Variants in CELF4 observed in about 807,000 individuals in gnomAD.
CELF4 encodes the protein CUG-BP- and ETR-3-like factor 4.
In CELF4, 18 loss-of-function variants were observed where a neutral mutation model predicts 59.9. The ratio of observed to expected loss-of-function variants is 0.30; its 90% CI spans 0.21 to 0.45. The LOEUF (loss-of-function observed/expected upper bound fraction) is 0.45, where lower values mean the gene tolerates loss of function less well. CELF4 is among the 20% of genes least tolerant of loss of function. The pLI is 1.00. For synonymous variants in CELF4, 261 were observed against 267.1 expected, an observed-to-expected ratio of 0.98 and a Z score of 0.22; for missense variants, 456 against 689.0, an observed-to-expected ratio of 0.66 and a Z score of 3.79.
chr18:37,453,784 A>G (rs552775706), intron 2 of CELF4, among the ~76,000 whole-genome samples: 2 of 152,212 alleles, frequency 1.3e-5, no homozygotes, highest in Non-Finnish European at 2.9e-5. Context: ...GCCTGGGAAC[A>G]GGGGTAGTCT....
chr18:37,353,090 AC>A (rs2098481928), intron 2 of CELF4, among the ~76,000 whole-genome samples: 2 of 151,736 alleles, frequency 1.3e-5, no homozygotes, highest in African/African-American at 4.8e-5. Flanking sequence ...GTGTGATGGC[AC>A]GTGCCTGCAG....
intron 2 of CELF4, among the ~76,000 whole-genome samples, chr18:37,340,562 T>C (rs2097968739): frequency 6.6e-6 from 1 of 152,198 alleles, no homozygotes; most frequent in South Asian, 2.1e-4. Flanking sequence ...CAACCATTCC[T>C]GGGCTGAGTT....
chr18:37,507,743 A>C (rs566314394), intron 1 of CELF4, among the ~76,000 whole-genome samples: 1 of 152,168 alleles, frequency 6.6e-6, no homozygotes, highest in Non-Finnish European at 1.5e-5. Flanking sequence ...AGCGGCTCCC[A>C]CTGTGGCATG....
chr18:37,264,681 C>G lies in CELF4; in HGVS notation c.1242G>C (p.Gln414His). The stretch of plus-strand genomic sequence containing the variant: ...GCTGGCCTGCAGACTCACCTTCTCT[C>G]TGCTGCTGGGGGATCATTGGAGGCG... ...PQPPPMIPQQ[Q>H]REGPEGCNLF... The change falls in exon 10 of 13, where the codon CAG becomes CAC. Residue 414 changes from glutamine to histidine, a missense_variant. By Grantham distance (24) the Gln-to-His change is conservative. This residue lies in a region of CELF4 where 256 missense variants were observed against 340.8 expected (regional missense o/e 0.75). Coordinates refer to ENST00000420428, the MANE Select transcript of CELF4 (RefSeq NM_020180.4). 2 of 1,574,584 alleles carry G rather than the reference C, an allele frequency of 1.3e-6. No homozygotes were observed. Among genetic ancestry groups the G allele is most frequent in the Non-Finnish European group, 1.7e-6 (2 of 1,159,128 alleles).
intron 3 of CELF4, among the ~76,000 whole-genome samples, chr18:37,286,455 C>T (rs781506607): frequency 6.6e-6 from 1 of 152,160 alleles, no homozygotes; most frequent in Non-Finnish European, 1.5e-5. Flanking sequence ...TCCACAGTCG[C>T]ACAGAGAGGG....
At chr18:37,348,911 C>T (rs1385944600) in intron 2 of CELF4, among the ~76,000 whole-genome samples, 1 of 152,128 alleles carries the variant, frequency 6.6e-6, no homozygotes, top group East Asian at 1.9e-4. Context: ...GGGAGCTGCA[C>T]TGGGGGGTCT....
intron 2 of CELF4, among the ~76,000 whole-genome samples, chr18:37,332,873 G>A (rs2154536007): frequency 6.6e-6 from 1 of 152,344 alleles, no homozygotes; most frequent in Admixed American, 6.5e-5. Context: ...CAAGGGCAGA[G>A]GGCTCTTTGT....
chr18:37,339,286 G>A (rs1315757558), intron 2 of CELF4, among the ~76,000 whole-genome samples: 1 of 152,188 alleles, frequency 6.6e-6, no homozygotes, highest in Non-Finnish European at 1.5e-5. Flanking sequence ...GTATGGGGGA[G>A]GGAGAGTGTT....
At chr18:37,493,670 G>T (rs1326384280) in intron 1 of CELF4, among the ~76,000 whole-genome samples, 1 of 151,636 alleles carries the variant, frequency 6.6e-6, no homozygotes, top group Non-Finnish European at 1.5e-5. Context: ...GGGTGATGGG[G>T]ACTGCAGAGG....
At chr18:37,401,722 C>T (rs1037701467) in intron 2 of CELF4, among the ~76,000 whole-genome samples, 3 of 152,342 alleles carry the variant, frequency 2.0e-5, no homozygotes, top group East Asian at 3.9e-4. Context: ...ATCCTTCAGC[C>T]TTTAGCTAAT....
At chr18:37,530,901 G>C (rs1404799559) in intron 1 of CELF4, among the ~76,000 whole-genome samples, 1 of 126,730 alleles carries the variant, frequency 7.9e-6, no homozygotes, top group African/African-American at 2.9e-5. Context: ...AGCAGGATTA[G>C]AAAAAAAAAA....
intron 2 of CELF4, among the ~76,000 whole-genome samples, chr18:37,451,033 C>A (rs907216256): frequency 2.0e-5 from 3 of 152,192 alleles, no homozygotes; most frequent in Non-Finnish European, 2.9e-5. Context: ...CAGTTTCTAT[C>A]TGAAGGAGCC....
chr18:37,532,805 CAAAAG>C (rs1442188726), intron 1 of CELF4, among the ~76,000 whole-genome samples: 2 of 152,142 alleles, frequency 1.3e-5, no homozygotes, highest in Non-Finnish European at 2.9e-5. Context: ...AAATTTTACA[CAAAAG>C]AAAAGAGAAG....
intron 2 of CELF4, among the ~76,000 whole-genome samples, chr18:37,465,648 C>T (rs1429924837): frequency 6.6e-6 from 1 of 152,114 alleles, no homozygotes; most frequent in African/African-American, 2.4e-5. Flanking sequence ...TCAGAGGAGT[C>T]TGTGTAGGTT....
At chr18:37,259,417 C>G (rs930581873) in intron 10 of CELF4, among the ~76,000 whole-genome samples, 153 bp from the exon 11 acceptor site, 2 of 152,072 alleles carry the variant, frequency 1.3e-5, no homozygotes, top group Admixed American at 6.5e-5. Context: ...AAGGGCGCCC[C>G]AGAAGAGGCA....
At chr18:37,330,625 G>A (rs1347625155) in intron 2 of CELF4, among the ~76,000 whole-genome samples, 2 of 152,172 alleles carry the variant, frequency 1.3e-5, no homozygotes, top group Non-Finnish European at 2.9e-5. Flanking sequence ...AGGAGTTCCC[G>A]ATGCCCACGC....
intron 2 of CELF4, among the ~76,000 whole-genome samples, chr18:37,363,531 G>T (rs1011581402): frequency 3.9e-5 from 6 of 152,174 alleles, no homozygotes; most frequent in Non-Finnish European, 1.5e-5. Context: ...GGTGGCAGGT[G>T]GCAGACGTTA....
At chr18:37,281,340 C>T (rs1259116149) in intron 3 of CELF4, among the ~76,000 whole-genome samples, 2 of 152,254 alleles carry the variant, frequency 1.3e-5, no homozygotes, top group African/African-American at 2.4e-5. Context: ...CAATTTGATT[C>T]ACTCATTACC....
chr18:37,531,249 CCTCCAGCTA>C (rs1272694536), intron 1 of CELF4, among the ~76,000 whole-genome samples: 6 of 152,134 alleles, frequency 3.9e-5, no homozygotes, highest in Non-Finnish European at 7.4e-5. Context: ...CTGGGGCCCC[CCTCCAGCTA>C]CTCCTCACTG....
Sources: allele counts gnomAD v4.1 joint callset (sites outside exome capture counted in the v4.1 genomes callset), GRCh38; gene constraint gnomAD v4.1.1; regional missense constraint gnomAD v4.1.1; transcripts MANE v1.5; gene names NCBI Gene and HGNC (gene_info 2026-07-23, HGNC 2026-07-21).